FAT3: variants seen among roughly 807,000 people sequenced by gnomAD.
The protein encoded by FAT3 is FAT atypical cadherin 3, also known as protocadherin Fat 3.
FAT3 carries 95 observed loss-of-function variants against 310.2 expected under a neutral mutation model. The observed-to-expected ratio is 0.31, with a 90% CI of 0.26 to 0.36. The LOEUF is 0.36. Among genes scored for constraint, FAT3 ranks in the 10% least tolerant of loss-of-function variants. The pLI is 1.00. For synonymous variants in FAT3, 2,314 were observed against 2,192.9 expected (o/e 1.06, Z -1.54); for missense variants, 5,408 against 5,715.6 (o/e 0.95, Z 1.74).
chr11:92,754,723 C>G (rs1194446169), intron 4 of FAT3, among the ~76,000 whole-genome samples: 1 of 142,886 alleles, frequency 7.0e-6, no homozygotes, highest in African/African-American at 2.6e-5. Flanking sequence ...AAAAAATTAG[C>G]TGGGCGTGGT....
intron 10 of FAT3, among the ~76,000 whole-genome samples, chr11:92,802,243 T>C (rs562436820): frequency 6.6e-6 from 1 of 152,348 alleles, no homozygotes; most frequent in South Asian, 2.1e-4. Context: ...GGAGAGGTTC[T>C]GTTTTTAAGC....
In FAT3 at chr11:92,859,298, A is replaced by G. The variant is rs1226752422; in HGVS notation, c.11634A>G (p.Arg3878=). The change falls in exon 21 of 28, where the codon AGA becomes AGG. Residue 3878 remains arginine, a synonymous_variant. Transcript: ENST00000525166. ...GCAATGGGATTATAATGTACACCAG[A>G]GCAAATCCCTGCATAATTCTGAAGG... ...LQSNGIIMYT[R]ANPCIILKIV... The G allele has an allele frequency of 5.0e-6, 8 of 1,608,560 alleles. No homozygotes were observed. The highest frequency in any genetic ancestry group is 6.0e-6 in the Non-Finnish European group (7 of 1,176,396).
chr11:92,860,991 T>C (rs1314037829), intron 21 of FAT3, among the ~76,000 whole-genome samples: 1 of 152,254 alleles, frequency 6.6e-6, no homozygotes, highest in Non-Finnish European at 1.5e-5. Flanking sequence ...AAAAGTACTT[T>C]GATTGCACAG....
At chr11:92,380,072 CGTGTGTGTGTGTGT>C (rs34789717) in intron 2 of FAT3, among the ~76,000 whole-genome samples, 158 of 145,292 alleles carry the variant, frequency 1.1e-3, no homozygotes, top group African/African-American at 3.8e-3. Context: ...CAAACTGATT[CGTGTGTGTGTGTGT>C]GTGTGTGTGT....
In FAT3 at chr11:92,800,466, A is replaced by C. The variant is rs1033631260; in HGVS notation, c.7453A>C (p.Arg2485=). 15 of 1,613,872 alleles carry C rather than the reference A, an allele frequency of 9.3e-6. No homozygotes were observed. The highest frequency in any genetic ancestry group is 1.2e-5 in the Non-Finnish European group (14 of 1,179,892). ...LFTSTAQVHI[R]VLGANLYSPA... ...CACCAGCACTGCACAGGTGCATATT[A>C]GGGTACTTGGGGCTAACTTGTACAG... Residue 2485 remains arginine, a synonymous_variant, in exon 10 of 28, where the codon AGG becomes CGG. Transcript: ENST00000525166.
At position 92,352,749 on chromosome 11, in the gene FAT3, A is replaced by G; in HGVS notation, c.637A>G (p.Ile213Val). 2 of 1,613,874 alleles carry G rather than the reference A, an allele frequency of 1.2e-6. No homozygotes were observed. The highest frequency in any genetic ancestry group is 2.2e-5 in the South Asian group (2 of 91,088). The change falls in exon 2 of 28, where the codon ATC becomes GTC. Residue 213 changes from isoleucine to valine, a missense_variant. Physicochemically the swap from Ile to Val is conservative, Grantham distance 29 (BLOSUM62 3). Around this residue, in one of 5 missense-constraint regions of FAT3, gnomAD observed 4,588 missense variants for 4,809.8 expected, o/e 0.95. Coordinates refer to ENST00000525166, the MANE Select transcript of FAT3 (RefSeq NM_001367949.2). ...LFSVHPTSGV[I>V]SLSGRLNYDE... ...TTCAGTTCACCCCACGAGTGGTGTC[A>G]TCTCCTTAAGTGGTCGATTAAATTA... is the stretch of plus-strand genomic sequence containing the variant.
At chr11:92,626,316 C>A (rs1195055299) in intron 3 of FAT3, among the ~76,000 whole-genome samples, 1 of 152,076 alleles carries the variant, frequency 6.6e-6, no homozygotes, top group Non-Finnish European at 1.5e-5. Flanking sequence ...TGATTTAATT[C>A]CCTGATTTAA....
rs1947619365 is a variant in FAT3 at position 92,809,829 on chromosome 11, A to G, written c.9248-14A>G. On this transcript the variant is annotated splice_polypyrimidine_tract_variant and intron_variant, in intron 12 of 27. Coordinates refer to ENST00000525166, the MANE Select transcript of FAT3 (RefSeq NM_001367949.2). ...AAAAACTCAGACCAATCATGCTGCC[A>G]TTTATTTTCACAGGCGAGTTAAAAA... is the stretch of plus-strand genomic sequence containing the variant. 6.2e-7 allele frequency: 1 copy of G among 1,603,636 alleles called. No homozygotes were observed. The highest frequency in any genetic ancestry group is 1.7e-5 in the Admixed American group (1 of 59,698).
chr11:92,531,765 T>A (rs756446128), intron 3 of FAT3, among the ~76,000 whole-genome samples: 1 of 152,114 alleles, frequency 6.6e-6, no homozygotes, highest in Non-Finnish European at 1.5e-5. Flanking sequence ...AGCTTCATTT[T>A]TTTTTTCATA....
At chr11:92,819,974 A>T (rs375116017) in intron 13 of FAT3, among the ~76,000 whole-genome samples, 9 of 152,118 alleles carry the variant, frequency 5.9e-5, no homozygotes, top group African/African-American at 2.2e-4. Flanking sequence ...ACTTCCTGAT[A>T]TTCACACCCC....
In FAT3 at chr11:92,879,256, C is replaced by T. The variant is rs569436711; in HGVS notation, c.12128-1475C>T. 1.6e-4 allele frequency among the ~76,000 whole-genome samples: 24 copies of T among 152,224 alleles called. 1 individual carries two copies. The South Asian group carries it at 1.7e-3, about 11-fold the overall frequency. ...TTTTGGAGGAAGTAACTGTGGAATG[C>T]GTTCTAGTGAAATGAGAGAGTAAAC... On this transcript the variant is annotated intron_variant, in intron 22 of 27. Transcript: ENST00000525166.
chr11:92,296,696 G>A (rs1004594724), intron 1 of FAT3, among the ~76,000 whole-genome samples: 2 of 152,102 alleles, frequency 1.3e-5, no homozygotes, highest in African/African-American at 2.4e-5. Flanking sequence ...GGCTCAGCGC[G>A]AAATGGAGCT....
chr11:92,530,892 G>A (rs1416697644), intron 3 of FAT3, among the ~76,000 whole-genome samples: 2 of 106,350 alleles, frequency 1.9e-5, no homozygotes, highest in Non-Finnish European at 3.7e-5. Flanking sequence ...TACAAATATA[G>A]GGATTTAAAG....
rs953032034 is a variant in FAT3, at chr11:92,894,120, A to G, written c.*3007A>G. 6.6e-6 allele frequency: 1 copy of G among 152,244 alleles called. No individual in the cohort carries two copies. The highest frequency in any genetic ancestry group is 1.5e-5 in the Non-Finnish European group (1 of 68,050). 9.4% of individuals were successfully genotyped at this position (152,244 alleles called of 1,614,324 possible). ...CCATTCCTTCTTTGGAATATGCTAT[A>G]AAAGAAAATTCATGGAGAATATTTT... On this transcript the variant is annotated 3_prime_UTR_variant, in exon 28 of 28. Transcript: ENST00000525166.
chr11:92,662,851 T>C (rs1942833468), intron 3 of FAT3, among the ~76,000 whole-genome samples: 1 of 152,180 alleles, frequency 6.6e-6, no homozygotes, highest in Admixed American at 6.6e-5. Context: ...TAGCTGGCAA[T>C]GTGATAAGAA....
chr11:92,525,676 G>A (rs1953837915), intron 3 of FAT3, among the ~76,000 whole-genome samples: 1 of 127,862 alleles, frequency 7.8e-6, no homozygotes, highest in Non-Finnish European at 1.8e-5. Context: ...GAACAAAGGA[G>A]TAAAATAGTG....
intron 3 of FAT3, among the ~76,000 whole-genome samples, chr11:92,543,019 T>C (rs1000660722): frequency 1.3e-5 from 2 of 152,096 alleles, no homozygotes; most frequent in African/African-American, 4.8e-5. Flanking sequence ...ATCCTGTCAT[T>C]TGCAGCAACG....
At chr11:92,794,147 T>C (rs962706111) in intron 9 of FAT3, among the ~76,000 whole-genome samples, 20 of 152,290 alleles carry the variant, frequency 1.3e-4, no homozygotes, top group African/African-American at 4.8e-4. Context: ...GACCAGTGTT[T>C]TTTTAGAAAT....
At chr11:92,828,052 A>G (rs1381734345) in intron 13 of FAT3, among the ~76,000 whole-genome samples, 1 of 152,078 alleles carries the variant, frequency 6.6e-6, no homozygotes, top group Non-Finnish European at 1.5e-5. Context: ...TTAATGTTAT[A>G]CCTTAATGTA....
Sources: allele counts gnomAD v4.1 joint callset (sites outside exome capture counted in the v4.1 genomes callset), GRCh38; gene constraint gnomAD v4.1.1; regional missense constraint gnomAD v4.1.1; transcripts MANE v1.5; gene names NCBI Gene and HGNC (gene_info 2026-07-23, HGNC 2026-07-21).